Variants in BLTP3A observed in about 807,000 individuals in gnomAD.
BLTP3A encodes ICBP90 binding protein 1.
At chr6:34,824,558 C>CAA in the BLTP3A span, among the ~76,000 whole-genome samples, 98 of 107,098 alleles carry the variant, frequency 9.2e-4, no homozygotes, top group Admixed American at 1.1e-3. Flanking sequence ...AACTCCATCT[C>CAA]AAAAAAAAAA....
the BLTP3A span, among the ~76,000 whole-genome samples, chr6:34,836,973 A>AT: frequency 9.9e-5 from 15 of 152,248 alleles, no homozygotes; most frequent in African/African-American, 4.8e-5. Context: ...GAGTTTCCAC[A>AT]TTCGTGAAAT....
chr6:34,850,720 A>G, the BLTP3A span, among the ~76,000 whole-genome samples: 8 of 152,044 alleles, frequency 5.3e-5, no homozygotes, highest in Admixed American at 3.9e-4. Context: ...TTTAAGAGAT[A>G]GGTTCTCACT....
At chr6:34,811,928 G>A in the BLTP3A span, among the ~76,000 whole-genome samples, 1 of 152,132 alleles carries the variant, frequency 6.6e-6, no homozygotes, top group Non-Finnish European at 1.5e-5. Flanking sequence ...TCCTTGGGAG[G>A]CTGAGGGAGG....
the BLTP3A span, among the ~76,000 whole-genome samples, chr6:34,849,903 G>T: frequency 1.3e-5 from 2 of 152,142 alleles, no homozygotes; most frequent in Non-Finnish European, 2.9e-5. Context: ...CACTTTGGGA[G>T]GCTGAGGCAG....
At chr6:34,792,881 C>T in the BLTP3A span, among the ~76,000 whole-genome samples, 1 of 152,156 alleles carries the variant, frequency 6.6e-6, no homozygotes, top group Non-Finnish European at 1.5e-5. Context: ...GAGCTCCCAC[C>T]TCCTCCTCTT....
chr6:34,829,508 A>G, the BLTP3A span, among the ~76,000 whole-genome samples: 1 of 152,284 alleles, frequency 6.6e-6, no homozygotes, highest in East Asian at 1.9e-4. Context: ...GCTTAACATT[A>G]TGTTTGTGAG....
At chr6:34,823,398 C>A in the BLTP3A span, 1 of 1,472,920 alleles carries the variant, frequency 6.8e-7, no homozygotes, top group Non-Finnish European at 9.4e-7. Flanking sequence ...TGCTCCAGAT[C>A]CCCTTTTAGT....
the BLTP3A span, among the ~76,000 whole-genome samples, chr6:34,843,481 G>A: frequency 2.0e-5 from 3 of 151,974 alleles, no homozygotes; most frequent in Admixed American, 6.6e-5. Context: ...TGGGTGATAG[G>A]TTATATGTTT....
the BLTP3A span, chr6:34,857,018 G>C: frequency 2.5e-5 from 38 of 1,498,216 alleles, no homozygotes; most frequent in Non-Finnish European, 3.1e-5. Context: ...TTTGGAATTT[G>C]GGGACTATTT....
the BLTP3A span, among the ~76,000 whole-genome samples, chr6:34,860,598 GAC>G: frequency 6.6e-6 from 1 of 152,140 alleles, no homozygotes; most frequent in Non-Finnish European, 1.5e-5. Context: ...TGCCTGACAA[GAC>G]ACAGTCCTAA....
At chr6:34,861,534 C>T in the BLTP3A span, among the ~76,000 whole-genome samples, 2 of 152,184 alleles carry the variant, frequency 1.3e-5, no homozygotes, top group African/African-American at 2.4e-5. Flanking sequence ...TAACAATCCA[C>T]AGATAACCAC....
At chr6:34,831,955 C>G in the BLTP3A span, among the ~76,000 whole-genome samples, 15 of 152,044 alleles carry the variant, frequency 9.9e-5, no homozygotes, top group African/African-American at 3.6e-4. Context: ...GCTGGGACTA[C>G]AGGTGTGCAC....
At chr6:34,849,240 C>G in the BLTP3A span, among the ~76,000 whole-genome samples, 1 of 152,184 alleles carries the variant, frequency 6.6e-6, no homozygotes, top group Admixed American at 6.5e-5. Context: ...ATCAAGTGAT[C>G]CACCTGTCTT....
At chr6:34,842,017 C>T in the BLTP3A span, among the ~76,000 whole-genome samples, 3 of 152,052 alleles carry the variant, frequency 2.0e-5, no homozygotes, top group African/African-American at 7.2e-5. Flanking sequence ...CACTATTTAC[C>T]ATTTATATCT....
chr6:34,865,227 T>C, the BLTP3A span, among the ~76,000 whole-genome samples: 1 of 152,202 alleles, frequency 6.6e-6, no homozygotes, highest in South Asian at 2.1e-4. Flanking sequence ...TTAAGCACCA[T>C]CCTGCTCTCT....
the BLTP3A span, among the ~76,000 whole-genome samples, chr6:34,816,177 A>C: frequency 1.3e-5 from 2 of 152,254 alleles, no homozygotes; most frequent in African/African-American, 2.4e-5. Flanking sequence ...TACTTAGTAT[A>C]ATCACTCAGA....
chr6:34,822,675 G>A, the BLTP3A span, among the ~76,000 whole-genome samples: 109 of 152,112 alleles, frequency 7.2e-4, no homozygotes, highest in African/African-American at 2.5e-3. Flanking sequence ...GACCAACATG[G>A]TGAAACCCCA....
At chr6:34,852,456 C>A in the BLTP3A span, among the ~76,000 whole-genome samples, 1 of 152,164 alleles carries the variant, frequency 6.6e-6, no homozygotes, top group Non-Finnish European at 1.5e-5. Flanking sequence ...ATGGGGGCCT[C>A]AAGACTCTGC....
the BLTP3A span, among the ~76,000 whole-genome samples, chr6:34,825,525 T>C: frequency 1.3e-5 from 2 of 152,218 alleles, no homozygotes; most frequent in African/African-American, 2.4e-5. Context: ...CAGGCTGGTC[T>C]TGAACTCCTG....
Sources: allele counts gnomAD v4.1 joint callset (sites outside exome capture counted in the v4.1 genomes callset), GRCh38; gene constraint gnomAD v4.1.1; transcripts MANE v1.5; gene names NCBI Gene and HGNC (gene_info 2026-07-23, HGNC 2026-07-21).